NBPF12: variants seen among roughly 807,000 people sequenced by gnomAD.
The protein encoded by NBPF12 is NBPF family member NBPF12.
A neutral mutation model predicts 146.4 loss-of-function variants in NBPF12; 115 were observed. That is an observed-to-expected ratio of 0.79 (90% CI 0.68 to 0.92). NBPF12 has a LOEUF of 0.92. NBPF12 is among the 40% of genes least tolerant of loss of function. The pLI is 0.00. For missense variants in NBPF12, 1,205 were observed against 1,326.8 expected (o/e 0.91, Z 1.43); for synonymous variants, 385 against 508.9 (o/e 0.76, Z 3.28).
At chr1:146,945,359 T>A (rs1570811929), upstream of NBPF12, among the ~76,000 whole-genome samples, 1 of 150,992 alleles carries the variant, frequency 6.6e-6, no homozygotes, top group East Asian at 2.0e-4. Flanking sequence ...TGGTTCCTAG[T>A]CATCACCAAG....
At chr1:146,994,421 A>C in exon 34 of NBPF12, 1 of 1,612,236 alleles carries the variant, frequency 6.2e-7, no homozygotes, top group South Asian at 1.1e-5. Flanking sequence ...ATGTACTTTG[A>C]ACTACCTGAC....
At chr1:146,989,336 C>G (rs1465825178) in intron 27 of NBPF12, among the ~76,000 whole-genome samples, 4 of 104,072 alleles carry the variant, frequency 3.8e-5, no homozygotes, top group Non-Finnish European at 8.4e-5. Flanking sequence ...CTCACTTTCT[C>G]TCTGTCTCTG....
At chr1:146,984,973 G>A (rs1364924051) in exon 22 of NBPF12, 12 of 1,328,742 alleles carry the variant, frequency 9.0e-6, no homozygotes, top group Non-Finnish European at 1.3e-5. Context: ...TGGCTTGGCT[G>A]TTGACATGGA....
chr1:146,947,282 C>G (rs1164639464), upstream of NBPF12, among the ~76,000 whole-genome samples: 2 of 151,520 alleles, frequency 1.3e-5, no homozygotes. Context: ...TTTAAGTGCT[C>G]CTCCCACTTG....
chr1:146,969,586 G>T (rs1656440265), exon 11 of NBPF12: 2 of 1,610,046 alleles, frequency 1.2e-6, no homozygotes, highest in East Asian at 2.2e-5. Context: ...TTGTCCAAAA[G>T]CTCAGCCCAG....
At chr1:146,965,957 A>G (rs1656175764) in intron 8 of NBPF12, among the ~76,000 whole-genome samples, 1 of 151,426 alleles carries the variant, frequency 6.6e-6, no homozygotes, top group East Asian at 1.9e-4. Context: ...AAAATACAAA[A>G]ATTAGCTGTC....
At chr1:146,940,213 T>C (rs1440475533) in intron 1 of NBPF12, among the ~76,000 whole-genome samples, 2 of 152,064 alleles carry the variant, frequency 1.3e-5, no homozygotes, top group Non-Finnish European at 2.9e-5. Flanking sequence ...TCTTTTTTTT[T>C]CTATTCTAAA....
At chr1:146,972,051 G>GCA (rs1199501747) in intron 13 of NBPF12, among the ~76,000 whole-genome samples, 1 of 145,508 alleles carries the variant, frequency 6.9e-6, no homozygotes, top group East Asian at 2.0e-4. Context: ...TTGTGCCACT[G>GCA]CACTCCAGCC....
intron 7 of NBPF12, 143 bp from the exon 11 acceptor site, chr1:146,964,750 C>T (rs1559520834): frequency 2.4e-5 from 31 of 1,302,024 alleles, no homozygotes; most frequent in Non-Finnish European, 2.4e-5. Flanking sequence ...AAGAGGATTG[C>T]CTGTTCCCTC....
intron 1 of NBPF12, among the ~76,000 whole-genome samples, chr1:146,943,080 A>AT (rs1214367920): frequency 6.9e-6 from 1 of 144,840 alleles, no homozygotes; most frequent in Non-Finnish European, 1.5e-5. Flanking sequence ...CTCATTTTTT[A>AT]TTTTCAGAGA....
rs587739467 is a variant in NBPF12, at chr1:146,994,731, C to T, written c.*156C>T. On this transcript the variant is annotated 3_prime_UTR_variant, in exon 34 of 34. Transcript: ENST00000617844. ...TATTCTCAGAGCATGCCAGTGGCAACCTGTGCTCAGTCTGAAGACAATGGA... is the reference window on the plus strand; with the variant it reads ...TATTCTCAGAGCATGCCAGTGGCAATCTGTGCTCAGTCTGAAGACAATGGA... 276 of 1,305,394 alleles carry T rather than the reference C, an allele frequency of 2.1e-4. 2 individuals carry two copies. The highest frequency in any genetic ancestry group is 7.9e-4 in the African/African-American group (52 of 65,508). The allele number at this position is 1,305,394 out of a possible 1,614,324, so 80.9% of individuals were successfully genotyped here.
intron 1 of NBPF12, among the ~76,000 whole-genome samples, chr1:146,940,058 G>T (rs1383334177): frequency 6.6e-6 from 1 of 151,836 alleles, no homozygotes; most frequent in East Asian, 1.9e-4. Context: ...TTTCTTTGCC[G>T]AAAGAATGAA....
exon 5 of NBPF12, chr1:146,962,167 A>T: frequency 6.2e-7 from 1 of 1,608,722 alleles, no homozygotes; most frequent in South Asian, 1.1e-5. Context: ...TCAGAGTATG[A>T]AGAGTGTAAA....
At chr1:146,961,613 C>T (rs1655855513) in intron 4 of NBPF12, among the ~76,000 whole-genome samples, 1 of 147,982 alleles carries the variant, frequency 6.8e-6, no homozygotes, top group African/African-American at 2.7e-5. Context: ...GGCATATTTC[C>T]TTCATGGCCT....
chr1:146,996,101 CT>C (rs1658523930), downstream of NBPF12: 1 of 130,460 alleles, frequency 7.7e-6, no homozygotes, highest in Non-Finnish European at 1.6e-5. Flanking sequence ...TCACTCTGGA[CT>C]TTTGGATTGT....
intron 2 of NBPF12, among the ~76,000 whole-genome samples, chr1:146,957,904 C>T (rs1655670288): frequency 9.4e-6 from 1 of 105,858 alleles, no homozygotes; most frequent in East Asian, 3.5e-4. Flanking sequence ...TATATATACA[C>T]GTATGTATAT....
chr1:146,944,304 C>A (rs7552435), intron 2 of NBPF12, among the ~76,000 whole-genome samples: 1 of 140,406 alleles, frequency 7.1e-6, no homozygotes, highest in South Asian at 2.4e-4. Context: ...CCCACGGAAC[C>A]CACCACTGCA....
At chr1:146,980,141 G>A (rs1417339656) in intron 19 of NBPF12, among the ~76,000 whole-genome samples, 1 of 151,930 alleles carries the variant, frequency 6.6e-6, no homozygotes, top group East Asian at 1.9e-4. Context: ...TGCAACCCCT[G>A]CATTTTTTTG....
rs1656599468 is a variant in NBPF12 at position 146,971,359 on chromosome 1, A to G, written c.1556A>G (p.His519Arg). The stretch of plus-strand genomic sequence containing the variant: ...CTGGTTGTAGACAGAGAATCCTCTC[A>G]TGATGAATGTCAGGATGCTCTAAAC... The change falls in exon 13 of 34, where the codon CAT (histidine) becomes CGT (arginine). Residue 519 changes from histidine (H) to arginine (R), a missense_variant. His to Arg is a conservative substitution (Grantham distance 29, BLOSUM62 0). Coordinates refer to ENST00000617844, the Ensembl canonical transcript of NBPF12. The G allele has an allele frequency of 3.1e-6, 5 of 1,611,696 alleles. No homozygotes were observed. The South Asian group carries it at 5.5e-5, about 18-fold the overall frequency.
Sources: allele counts gnomAD v4.1 joint callset (sites outside exome capture counted in the v4.1 genomes callset), GRCh38; gene constraint gnomAD v4.1.1; transcripts MANE v1.5; gene names NCBI Gene and HGNC (gene_info 2026-07-23, HGNC 2026-07-21).